Variants in EEPD1 observed in about 807,000 individuals in gnomAD.
EEPD1 encodes the protein endonuclease/exonuclease/phosphatase family domain-containing protein 1.
In EEPD1, 17 loss-of-function variants were observed where a neutral mutation model predicts 46.3. The ratio of observed to expected loss-of-function variants is 0.37; its 90% confidence interval spans 0.25 to 0.55. The LOEUF (loss-of-function observed/expected upper bound fraction) is 0.55, where lower values mean the gene tolerates loss of function less well. EEPD1 is among the 20% of genes least tolerant of loss of function. EEPD1 has a pLI of 0.83. For synonymous variants in EEPD1, 313 were observed against 315.6 expected (o/e 0.99, Z 0.09); for missense variants, 673 against 745.6 (o/e 0.90, Z 1.13).
intron 2 of EEPD1, among the ~76,000 whole-genome samples, chr7:36,197,678 T>A (rs1010741372): frequency 2.0e-5 from 3 of 152,074 alleles, no homozygotes; most frequent in Non-Finnish European, 2.9e-5. Context: ...TTAAGGGCGG[T>A]GCAAGATGTG....
intron 2 of EEPD1, among the ~76,000 whole-genome samples, chr7:36,172,457 C>T (rs887979033): frequency 1.4e-4 from 21 of 152,098 alleles, no homozygotes; most frequent in Non-Finnish European, 1.9e-4. Flanking sequence ...GCTCTGTGCC[C>T]CTTCTGCCGT....
intron 2 of EEPD1, 22 bp from the exon 3 acceptor site, chr7:36,238,963 G>A (rs1385862651): frequency 6.2e-7 from 1 of 1,602,320 alleles, no homozygotes. Flanking sequence ...TTCAAGTGTG[G>A]TTTTGATTTT....
At chr7:36,184,586 T>A (rs931544822) in intron 2 of EEPD1, among the ~76,000 whole-genome samples, 3 of 152,200 alleles carry the variant, frequency 2.0e-5, no homozygotes, top group African/African-American at 7.2e-5. Flanking sequence ...TGGCAGTCCC[T>A]TCAGTTTGAG....
At chr7:36,267,485 C>T (rs543631782) in intron 3 of EEPD1, among the ~76,000 whole-genome samples, 1 of 152,190 alleles carries the variant, frequency 6.6e-6, no homozygotes, top group South Asian at 2.1e-4. Flanking sequence ...CATGCTCTCC[C>T]CTCCTCTTGG....
chr7:36,256,957 A>G (rs1192779038), intron 3 of EEPD1, among the ~76,000 whole-genome samples: 1 of 152,070 alleles, frequency 6.6e-6, no homozygotes, highest in Non-Finnish European at 1.5e-5. Context: ...GTGGCTGGTA[A>G]TGGTTTTTCC....
chr7:36,246,333 A>G (rs1003816549), intron 3 of EEPD1, among the ~76,000 whole-genome samples: 6 of 152,250 alleles, frequency 3.9e-5, no homozygotes, highest in South Asian at 2.1e-4. Flanking sequence ...GCTGGGGGAC[A>G]TAGGAGGCCA....
chr7:36,272,032 C>T (rs1787113827), intron 3 of EEPD1, among the ~76,000 whole-genome samples: 1 of 151,918 alleles, frequency 6.6e-6, no homozygotes, highest in Non-Finnish European at 1.5e-5. Context: ...CAGATGCCTG[C>T]CACAACGCCC....
intron 2 of EEPD1, among the ~76,000 whole-genome samples, chr7:36,220,889 T>TC (rs1385381750): frequency 6.6e-6 from 1 of 152,318 alleles, no homozygotes; most frequent in East Asian, 1.9e-4. Context: ...AACCTCCACC[T>TC]CCTGGGTTCA....
chr7:36,192,607 C>T (rs138084311), intron 2 of EEPD1, among the ~76,000 whole-genome samples: 19 of 152,254 alleles, frequency 1.2e-4, no homozygotes, highest in African/African-American at 4.6e-4. Context: ...ACCTGTAACT[C>T]AAGTCGCAGA....
chr7:36,286,898 C>T (rs905484929), intron 5 of EEPD1, among the ~76,000 whole-genome samples: 1 of 152,104 alleles, frequency 6.6e-6, no homozygotes, highest in Non-Finnish European at 1.5e-5. Flanking sequence ...CAAATTGCCT[C>T]AAGTGATCCT....
intron 2 of EEPD1, among the ~76,000 whole-genome samples, chr7:36,200,309 T>C (rs1785692177): frequency 6.6e-6 from 1 of 152,210 alleles, no homozygotes; most frequent in African/African-American, 2.4e-5. Context: ...AAGGACATGA[T>C]CTTATTTTCT....
intron 3 of EEPD1, among the ~76,000 whole-genome samples, chr7:36,272,047 A>G (rs1787114810): frequency 6.6e-6 from 1 of 151,762 alleles, no homozygotes; most frequent in African/African-American, 2.4e-5. Flanking sequence ...ACGCCCCGCT[A>G]ATTTTTTGTG....
chr7:36,267,227 A>G (rs758637176), intron 3 of EEPD1, among the ~76,000 whole-genome samples: 69 of 152,080 alleles, frequency 4.5e-4, no homozygotes, highest in Non-Finnish European at 4.7e-4. Flanking sequence ...CCATAGCCCC[A>G]TGGACTTTTC....
intron 3 of EEPD1, among the ~76,000 whole-genome samples, chr7:36,239,948 A>G (rs1786529879): frequency 6.6e-6 from 1 of 152,210 alleles, no homozygotes; most frequent in African/African-American, 2.4e-5. Flanking sequence ...AGAGACAAGC[A>G]CTTGAACTAT....
chr7:36,163,455 G>A (rs1055086570), intron 2 of EEPD1, among the ~76,000 whole-genome samples: 17 of 152,106 alleles, frequency 1.1e-4, no homozygotes, highest in African/African-American at 3.1e-4. Context: ...GTGGCTGAGG[G>A]CCATAGCTAA....
chr7:36,272,588 A>C (rs1562709016), intron 3 of EEPD1, among the ~76,000 whole-genome samples: 1 of 149,030 alleles, frequency 6.7e-6, no homozygotes, highest in East Asian at 2.0e-4. Context: ...TTTGGGGCAC[A>C]TGGAGAGGCT....
At chr7:36,197,062 C>T (rs1243324879) in intron 2 of EEPD1, among the ~76,000 whole-genome samples, 4 of 150,460 alleles carry the variant, frequency 2.7e-5, no homozygotes, top group South Asian at 2.1e-4. Context: ...GGCCCGGCCA[C>T]GACCCCGTCT....
chr7:36,247,322 A>C (rs1786657720), intron 3 of EEPD1, among the ~76,000 whole-genome samples: 1 of 152,086 alleles, frequency 6.6e-6, no homozygotes, highest in Admixed American at 6.6e-5. Flanking sequence ...GTAATTGGTG[A>C]GGGTGTTTTC....
intron 6 of EEPD1, among the ~76,000 whole-genome samples, chr7:36,290,275 G>T (rs1239466867): frequency 6.6e-6 from 1 of 152,102 alleles, no homozygotes; most frequent in Non-Finnish European, 1.5e-5. Flanking sequence ...AAAACCTTGG[G>T]CAGGTTATGT....
Sources: allele counts gnomAD v4.1 joint callset (sites outside exome capture counted in the v4.1 genomes callset), GRCh38; gene constraint gnomAD v4.1.1; transcripts MANE v1.5; gene names NCBI Gene and HGNC (gene_info 2026-07-23, HGNC 2026-07-21).